SCAP: variants seen among roughly 807,000 people sequenced by gnomAD.
SCAP encodes SREBF chaperone.
A neutral mutation model predicts 123.6 loss-of-function variants in SCAP; 65 were observed. That is an observed-to-expected ratio of 0.53 (90% CI 0.43 to 0.65). The LOEUF is 0.65. SCAP is among the 30% of genes least tolerant of loss of function. The pLI is 0.00. For missense variants in SCAP, 1,398 were observed against 1,712.5 expected, an observed-to-expected ratio of 0.82 and a Z score of 3.24; for synonymous variants, 740 against 726.3, an observed-to-expected ratio of 1.02 and a Z score of -0.30.
chr3:47,459,841 C>T (rs973616325), intron 1 of SCAP, among the ~76,000 whole-genome samples: 18 of 152,088 alleles, frequency 1.2e-4, no homozygotes, highest in Non-Finnish European at 2.1e-4. Flanking sequence ...TTTACCAGGG[C>T]GGAGTTTCCC....
intron 1 of SCAP, among the ~76,000 whole-genome samples, chr3:47,467,136 C>A (rs1707856832): frequency 6.6e-6 from 1 of 150,698 alleles, no homozygotes; most frequent in Non-Finnish European, 1.5e-5. Context: ...GCAAATCACA[C>A]AATAAAGAGA....
Position 47,426,139 on chromosome 3 carries a change from C to T in SCAP, c.768G>A (p.Met256Ile), listed in dbSNP as rs764804395. ...TGCAGTTGGGGCTGGGGTGCAGAAG[C>T]ATCAGGCGGGCACGCAGGCTGCCCA... ...KFLGSLRARL[M>I]LLHPSPNCSL... is the part of the protein sequence containing the mutation. The change falls in exon 7 of 23, where the codon ATG (methionine) becomes ATA (isoleucine). Residue 256 changes from methionine (M) to isoleucine (I), a missense_variant. Physicochemically the swap from Met to Ile is conservative, Grantham distance 10. Transcript: ENST00000265565. 4 of 1,613,760 alleles carry T rather than the reference C, an allele frequency of 2.5e-6. No homozygotes were observed. Among genetic ancestry groups the T allele is most frequent in the Non-Finnish European group, 3.4e-6 (4 of 1,179,894 alleles).
intron 3 of SCAP, among the ~76,000 whole-genome samples, chr3:47,430,567 C>G (rs1706314239): frequency 6.6e-6 from 1 of 152,150 alleles, no homozygotes; most frequent in African/African-American, 2.4e-5. Context: ...CAGGGGATAA[C>G]AGAAATTACG....
chr3:47,417,560 C>T lies in SCAP; in HGVS notation c.2714G>A (p.Arg905Gln), dbSNP rs17849129. 2,131 of 1,581,648 alleles carry T rather than the reference C, an allele frequency of 1.3e-3. 40 individuals are homozygous for T. The East Asian group carries it at 0.031, about 23-fold the overall frequency. The change falls in exon 17 of 23, where the codon CGG (arginine) becomes CAG (glutamine). Residue 905 changes from arginine (R) to glutamine (Q), a missense_variant. This residue lies in a region of SCAP where 828 missense variants were observed against 882.5 expected (regional missense o/e 0.94). Coordinates refer to ENST00000265565, the MANE Select transcript of SCAP (RefSeq NM_012235.4). ...PRHRAVCGRS[R>Q]DSPGYDFSCL... is the part of the protein sequence containing the mutation. ...GCTGAAGTCATAGCCTGGGGAGTCC[C>T]GAGAGCGGCCACAGACCGCCCGGTG...
intron 1 of SCAP, among the ~76,000 whole-genome samples, chr3:47,458,307 T>A (rs1198399244): frequency 2.0e-5 from 3 of 151,974 alleles, no homozygotes; most frequent in Non-Finnish European, 4.4e-5. Context: ...CATGCGTCTG[T>A]AATTCCAGCT....
rs1193393312 is a variant in SCAP at position 47,420,232 on chromosome 3, G to C, written c.1563+322C>G. 6.6e-6 allele frequency among the ~76,000 whole-genome samples: 1 copy of C among 152,178 alleles called. No individual in the cohort carries two copies. The highest frequency in any genetic ancestry group is 2.4e-5 in the African/African-American group (1 of 41,450). ...ACACCATGCAGCGGCCGATGAACCC[G>C]ACCCAGGGCAATGTGGTGGCCACAA... On this transcript the variant is annotated intron_variant, in intron 12 of 22. Coordinates refer to ENST00000265565, the MANE Select transcript of SCAP (RefSeq NM_012235.4). This position sits in a 1 kb window ranked among gnomAD's most constrained non-coding sequence, Gnocchi z 5.0.
At position 47,443,046 on chromosome 3, in the gene SCAP, T is replaced by C; in HGVS notation, c.-53A>G. 6.2e-7 allele frequency: 1 copy of C among 1,610,944 alleles called. No homozygotes were observed. The highest frequency in any genetic ancestry group is 8.5e-7 in the Non-Finnish European group (1 of 1,179,196). On this transcript the variant is annotated 5_prime_UTR_variant, in exon 2 of 23. Coordinates refer to ENST00000265565, the MANE Select transcript of SCAP (RefSeq NM_012235.4). ...CCCGGAAAGTGACCATGGATCACCC[T>C]GGCACACACTTGACAGCACTGACAA...
At position 47,420,435 on chromosome 3, in the gene SCAP, A is replaced by T; in HGVS notation, c.1563+119T>A. Reference sequence around the variant, plus strand: ...GGCAACTCCCCAGAGCCAGGCTTCCAGGGGCCACCAGGGCCTGAGGAATAC... The same window carrying T: ...GGCAACTCCCCAGAGCCAGGCTTCCTGGGGCCACCAGGGCCTGAGGAATAC... On this transcript the variant is annotated intron_variant, in intron 12 of 22. Transcript: ENST00000265565. The surrounding 1 kb of genome is among the most constrained non-coding windows in gnomAD (Gnocchi z 5.0). 1 of 912,374 alleles carries T rather than the reference A, an allele frequency of 1.1e-6. No individual in the cohort carries two copies. Among genetic ancestry groups the T allele is most frequent in the Non-Finnish European group, 1.6e-6 (1 of 621,070 alleles). 56.5% of individuals were successfully genotyped at this position (912,374 alleles called of 1,614,324 possible).
At chr3:47,467,071 T>A (rs1259008948) in intron 1 of SCAP, among the ~76,000 whole-genome samples, 1 of 149,458 alleles carries the variant, frequency 6.7e-6, no homozygotes, top group East Asian at 2.0e-4. Context: ...CCACCCTGGG[T>A]GACTGAGGGA....
At chr3:47,438,674 C>T (rs13060272) in intron 2 of SCAP, among the ~76,000 whole-genome samples, 130 of 152,034 alleles carry the variant, frequency 8.6e-4, no homozygotes, top group Non-Finnish European at 1.2e-3. Context: ...ATTGGCCGGA[C>T]GCGGTGGCAC....
chr3:47,419,610 A>T lies in SCAP; in HGVS notation c.1658T>A (p.Leu553Ter). The T allele has an allele frequency of 6.2e-7, 1 of 1,602,042 alleles. No individual in the cohort carries two copies. The highest frequency in any genetic ancestry group is 8.5e-7 in the Non-Finnish European group (1 of 1,173,272). ...CATGGGAGCCAGGGCTCCCTCACCC[A>T]ATGGGCTCTGTTCCGTCACCTGGGC... ...LAAQVTEQSP[L>*]GEGALAPMPV... Residue 553 changes from leucine (L) to a stop codon, truncating the protein, a stop_gained, in exon 13 of 23, where the codon TTG (leucine) becomes TAG (stop). Coordinates refer to ENST00000265565, the MANE Select transcript of SCAP (RefSeq NM_012235.4). LOFTEE classifies it high-confidence loss of function. The surrounding 1 kb of genome is among the most constrained non-coding windows in gnomAD (Gnocchi z 5.0).
intron 18 of SCAP, among the ~76,000 whole-genome samples, chr3:47,416,177 A>G (rs1389623074): frequency 6.6e-6 from 1 of 152,202 alleles, no homozygotes; most frequent in African/African-American, 2.4e-5. Context: ...TTGGAGGAGG[A>G]GCCAGTGTGG....
chr3:47,446,432 A>C (rs751097462), intron 1 of SCAP, among the ~76,000 whole-genome samples: 1 of 152,064 alleles, frequency 6.6e-6, no homozygotes, highest in Non-Finnish European at 1.5e-5. Flanking sequence ...TCGCCTCCCA[A>C]AGGGCTGGGA....
chr3:47,465,310 A>C (rs912751990), intron 1 of SCAP, among the ~76,000 whole-genome samples: 1 of 152,022 alleles, frequency 6.6e-6, no homozygotes, highest in Non-Finnish European at 1.5e-5. Context: ...AACTGGGATT[A>C]CAGGTGTATG....
intron 1 of SCAP, among the ~76,000 whole-genome samples, chr3:47,467,371 G>A (rs1707863461): frequency 1.3e-5 from 2 of 152,050 alleles, no homozygotes; most frequent in South Asian, 2.1e-4. Flanking sequence ...TTGGAAGGCT[G>A]AGGTGGATGG....
At chr3:47,421,540 A>G (rs954699469) in intron 10 of SCAP, among the ~76,000 whole-genome samples, 1 of 152,256 alleles carries the variant, frequency 6.6e-6, no homozygotes, top group African/African-American at 2.4e-5. Flanking sequence ...CTGCTCCCCA[A>G]GCTCTGTCAG....
chr3:47,421,045 A>G lies in SCAP; in HGVS notation c.1246-16T>C, dbSNP rs746819236. ...GACAGAACTCCTGGAATCAGAGCAC[A>G]TGGGGATGGGGGGGTGCCGTGACCT... On this transcript the variant is annotated splice_polypyrimidine_tract_variant and intron_variant, in intron 10 of 22. Coordinates refer to ENST00000265565, the MANE Select transcript of SCAP (RefSeq NM_012235.4). The G allele has an allele frequency of 1.2e-6, 2 of 1,600,204 alleles. No homozygotes were observed. Among genetic ancestry groups the G allele is most frequent in the Non-Finnish European group, 1.7e-6 (2 of 1,167,748 alleles).
chr3:47,418,914 GTCCTC>G, intron 13 of SCAP, 71 bp from the exon 14 acceptor site: 1 of 1,398,186 alleles, frequency 7.2e-7, no homozygotes, highest in Non-Finnish European at 9.4e-7. Flanking sequence ...TCGCCAGCCA[GTCCTC>G]TCCCTCCTCC....
Position 47,426,082 on chromosome 3 carries a change from G to A in SCAP, c.825C>T (p.His275=), listed in dbSNP as rs1393655929. ...CAGCGACACCAATCTCCTCCTTGAA[G>A]TGCACGTGGACCAGGCTCTCCGCCC... ...SLRAESLVHV[H]FKEEIGVAEL... is the part of the protein sequence containing the mutation. Residue 275 remains histidine, a synonymous_variant, in exon 7 of 23, where the codon CAC becomes CAT. Coordinates refer to ENST00000265565, the MANE Select transcript of SCAP (RefSeq NM_012235.4). 13 of 1,614,010 alleles carry A rather than the reference G, an allele frequency of 8.1e-6. No homozygotes were observed. The highest frequency in any genetic ancestry group is 6.7e-5 in the East Asian group (3 of 44,900).
Sources: gnomAD v4.1 joint callset for allele counts (sites outside exome capture counted in the v4.1 genomes callset) on GRCh38, gnomAD v4.1.1 for gene constraint, gnomAD v4.1.1 regional missense constraint, Gnocchi (gnomAD v3.1) non-coding constraint, MANE v1.5 for transcripts, NCBI Gene and HGNC (gene_info 2026-07-23, HGNC 2026-07-21) for gene names.